Variants in VARS1 observed in about 807,000 individuals in gnomAD.
The protein encoded by VARS1 is valine--tRNA ligase.
In VARS1, 92 loss-of-function variants were observed where a neutral mutation model predicts 161.0. That is an observed-to-expected ratio of 0.57 (90% confidence interval 0.48 to 0.68). VARS1 has a LOEUF of 0.68. VARS1 is among the 30% of genes least tolerant of loss of function. The pLI is 0.00. For missense variants in VARS1, 1,338 were observed against 1,695.9 expected (o/e 0.79, Z 3.71); for synonymous variants, 595 against 682.5 (o/e 0.87, Z 2.00).
intron 8 of VARS1, among the ~76,000 whole-genome samples, chr6:31,788,821 A>ATAC (rs1028024616): frequency 6.6e-6 from 1 of 151,818 alleles, no homozygotes; most frequent in Non-Finnish European, 1.5e-5. Context: ...AATAATAATA[A>ATAC]TAATAATAAA....
At position 31,785,973 on chromosome 6, in the gene VARS1, A is replaced by T. The variant is rs1813475725; in HGVS notation, c.1101-240T>A. ...AAAACCCCGTCTCTACTAAAAATAC[A>T]AAATTAGCTGGGCATGGTGGCATGC... On this transcript the variant is annotated intron_variant, in intron 8 of 29. Transcript: ENST00000375663. The surrounding 1 kb of genome is among the most constrained non-coding windows in gnomAD (Gnocchi z 6.1). 6.6e-6 allele frequency among the ~76,000 whole-genome samples: 1 copy of T among 152,124 alleles called. No individual in the cohort carries two copies. The highest frequency in any genetic ancestry group is 2.4e-5 in the African/African-American group (1 of 41,436).
Position 31,779,114 on chromosome 6 carries a change from C to A in VARS1, c.3579G>T (p.Gly1193=), listed in dbSNP as rs1437171498. The A allele has an allele frequency of 1.9e-6, 3 of 1,608,530 alleles. No individual in the cohort carries two copies. Among genetic ancestry groups the A allele is most frequent in the Non-Finnish European group, 1.7e-6 (2 of 1,177,606 alleles). ...DRCSIHLQLQ[G]LVDPARELGK... ...CCAGCTCCCGTGCAGGGTCCACCAG[C>A]CCCTGAAGCTGCAGGTGGATGGAGC... The change falls in exon 29 of 30, where the codon GGG becomes GGT. Residue 1193 remains glycine (G), a synonymous_variant. Coordinates refer to ENST00000375663, the MANE Select transcript of VARS1 (RefSeq NM_006295.3). The surrounding 1 kb of genome is among the most constrained non-coding windows in gnomAD (Gnocchi z 9.1).
In VARS1 at chr6:31,778,992, T is replaced by A; in HGVS notation, c.3701A>T (p.Glu1234Val). 6 of 1,613,030 alleles carry A rather than the reference T, an allele frequency of 3.7e-6. No homozygotes were observed. The highest frequency in any genetic ancestry group is 5.1e-6 in the Non-Finnish European group (6 of 1,180,028). ...CTTGGCTTCATCTGCCTCCTGGACT[T>A]CGAGCGGCACCTTGACAGGATAGCC... ...ASGYPVKVPL[E>V]VQEADEAKLQ... Residue 1234 changes from glutamate to valine, a missense_variant, in exon 29 of 30, where the codon GAA (glutamate) becomes GTA (valine). Physicochemically the swap from Glu to Val is moderately radical, Grantham distance 121 (BLOSUM62 -2). This residue lies in a region of VARS1 where 433 missense variants were observed against 586.2 expected (regional missense o/e 0.74). Transcript: ENST00000375663. This position sits in a 1 kb window ranked among gnomAD's most constrained non-coding sequence, Gnocchi z 5.1.
chr6:31,791,744 G>A lies in VARS1; in HGVS notation c.973-7C>T. On this transcript the variant is annotated splice_polypyrimidine_tract_variant and splice_region_variant and intron_variant, in intron 7 of 29. Coordinates refer to ENST00000375663, the MANE Select transcript of VARS1 (RefSeq NM_006295.3). The surrounding 1 kb of genome is among the most constrained non-coding windows in gnomAD (Gnocchi z 5.0). ...CTGCTGACACATTAGGACGCTGATGGTGGAGAAGGATGGCACATGTTTAAG... is the reference window on the plus strand; with the variant it reads ...CTGCTGACACATTAGGACGCTGATGATGGAGAAGGATGGCACATGTTTAAG... The A allele has an allele frequency of 6.2e-7, 1 of 1,613,058 alleles. No individual in the cohort carries two copies. Among genetic ancestry groups the A allele is most frequent in the Non-Finnish European group, 8.5e-7 (1 of 1,180,000 alleles).
rs754969412 is a variant in VARS1, at chr6:31,783,111, T to C, written c.1747A>G (p.Met583Val). The C allele has an allele frequency of 4.3e-6, 7 of 1,612,628 alleles. No individual in the cohort carries two copies. The highest frequency in any genetic ancestry group is 1.7e-5 in the Admixed American group (1 of 59,966). The change falls in exon 14 of 30, where the codon ATG becomes GTG. Residue 583 changes from methionine (M) to valine (V), a missense_variant. Physicochemically the swap from Met to Val is conservative, Grantham distance 21 (BLOSUM62 1). Coordinates refer to ENST00000375663, the MANE Select transcript of VARS1 (RefSeq NM_006295.3). ...CCTTGCCCACCTGTGCCAAAGTCCA[T>C]GTCCACAAATTCATCGAAGACAATG... ...LPIVFDEFVDMDFGTGAVKIT... is the reference protein window; with the variant it reads ...LPIVFDEFVDVDFGTGAVKIT...
chr6:31,794,114 A>T lies in VARS1; in HGVS notation c.387+717T>A, dbSNP rs1814096338. On this transcript the variant is annotated intron_variant, in intron 2 of 29. Coordinates refer to ENST00000375663, the MANE Select transcript of VARS1 (RefSeq NM_006295.3). ...GTCTCAAAAAAAAAAAAAAAAAAGA[A>T]AAGAAAAGAAATAAAAGAGGGGAAC... Among the ~76,000 whole-genome samples, 9 of 151,524 alleles carry T rather than the reference A, an allele frequency of 5.9e-5. No homozygotes were observed. In the South Asian group the frequency reaches 1.9e-3, roughly 32 times the overall value.
At chr6:31,792,724 G>A (rs752186498) in intron 4 of VARS1, 33 bp downstream of exon 4, 20 of 1,611,616 alleles carry the variant, frequency 1.2e-5, no homozygotes, top group Non-Finnish European at 1.6e-5. Flanking sequence ...CCCCAGGGAA[G>A]CCCCTATCCT....
At position 31,782,519 on chromosome 6, in the gene VARS1, C is replaced by G; in HGVS notation, c.1991+11G>C. On this transcript the variant is annotated intron_variant, in intron 16 of 29. Coordinates refer to ENST00000375663, the MANE Select transcript of VARS1 (RefSeq NM_006295.3). The surrounding 1 kb of genome is among the most constrained non-coding windows in gnomAD (Gnocchi z 8.3). ...CTCCATCTTCCTCCCGTCCCAGGCC[C>G]CCACCCTCACTTGCAAAGTGGCACC... 6.2e-7 allele frequency: 1 copy of G among 1,613,024 alleles called. No homozygotes were observed.
chr6:31,780,681 G>T lies in VARS1; in HGVS notation c.2797+24C>A. ...TCACAGAAGGAGGAAGGAGTGGCTG[G>T]GAGGGACGCTTTGGGGGCCATACCC... On this transcript the variant is annotated intron_variant, in intron 24 of 29. Coordinates refer to ENST00000375663, the MANE Select transcript of VARS1 (RefSeq NM_006295.3). This position sits in a 1 kb window ranked among gnomAD's most constrained non-coding sequence, Gnocchi z 5.1. 6.2e-7 allele frequency: 1 copy of T among 1,614,122 alleles called. No individual in the cohort carries two copies. Among genetic ancestry groups the T allele is most frequent in the South Asian group, 1.1e-5 (1 of 91,088 alleles).
chr6:31,792,157 A>AGATAGGGTGAAAACTTAGAAGGGGCTGCT, intron 6 of VARS1, 60 bp downstream of exon 6: 1 of 1,592,812 alleles, frequency 6.3e-7, no homozygotes, highest in Non-Finnish European at 8.6e-7. Context: ...GAATAGAGCA[A>AGATAGGGTGAAAACTTAGAAGGGGCTGCT]GATAGGGTGA....
chr6:31,782,958 C>A lies in VARS1; in HGVS notation c.1763-113G>T. On this transcript the variant is annotated intron_variant, in intron 14 of 29. Transcript: ENST00000375663. This position sits in a 1 kb window ranked among gnomAD's most constrained non-coding sequence, Gnocchi z 8.3. ...GAGACCACTCCTGGCCCCCACTTGTCTAATACAGTCCCTTGAGAACCACCC... is the reference window on the plus strand; with the variant it reads ...GAGACCACTCCTGGCCCCCACTTGTATAATACAGTCCCTTGAGAACCACCC... 6.6e-7 allele frequency: 1 copy of A among 1,526,358 alleles called. No individual in the cohort carries two copies. The highest frequency in any genetic ancestry group is 8.8e-7 in the Non-Finnish European group (1 of 1,134,286). 94.6% of individuals were successfully genotyped at this position (1,526,358 alleles called of 1,614,324 possible).
rs1186343981 is a variant in VARS1 at position 31,785,908 on chromosome 6, C to T, written c.1101-175G>A. On this transcript the variant is annotated intron_variant, in intron 8 of 29. Transcript: ENST00000375663. The surrounding 1 kb of genome is among the most constrained non-coding windows in gnomAD (Gnocchi z 6.1). ...TGGGAGGCTGAGGTGGGTGGATCAC[C>T]TCAGGTGGGGGAGTTCGAGATGAGC... is the stretch of plus-strand genomic sequence containing the variant. 6.6e-6 allele frequency among the ~76,000 whole-genome samples: 1 copy of T among 152,086 alleles called. No individual in the cohort carries two copies. The highest frequency in any genetic ancestry group is 1.5e-5 in the Non-Finnish European group (1 of 68,004).
At position 31,784,525 on chromosome 6, in the gene VARS1, C is replaced by T. The variant is rs894263291; in HGVS notation, c.1468-23G>A. The T allele has an allele frequency of 2.5e-6, 4 of 1,613,826 alleles. No individual in the cohort carries two copies. The highest frequency in any genetic ancestry group is 3.4e-6 in the Non-Finnish European group (4 of 1,180,034). On this transcript the variant is annotated intron_variant, in intron 11 of 29. Transcript: ENST00000375663. The surrounding 1 kb of genome is among the most constrained non-coding windows in gnomAD (Gnocchi z 6.1). ...CACCTGTAAAATGGGTATTTAGAGG[C>T]GTGGCCCAGGGGCCAGGGCCAGGGC...
In VARS1 at chr6:31,777,678, G is replaced by C; in HGVS notation, c.3727-16C>G. The C allele has an allele frequency of 1.9e-6, 3 of 1,611,658 alleles. No homozygotes were observed. The highest frequency in any genetic ancestry group is 2.5e-6 in the Non-Finnish European group (3 of 1,178,962). ...TCTGTTGGAGCTGGAGTGGAACCAG[G>C]GGGTGGGTGAGGACCCAGGTCCAAG... On this transcript the variant is annotated splice_polypyrimidine_tract_variant and intron_variant, in intron 29 of 29. Coordinates refer to ENST00000375663, the MANE Select transcript of VARS1 (RefSeq NM_006295.3). The surrounding 1 kb of genome is among the most constrained non-coding windows in gnomAD (Gnocchi z 5.8).
rs763775593 is a variant in VARS1, at chr6:31,782,592, C to T, written c.1929G>A (p.Ala643=). The change falls in exon 16 of 30, where the codon GCG becomes GCA. Residue 643 remains alanine (A), a synonymous_variant. Coordinates refer to ENST00000375663, the MANE Select transcript of VARS1 (RefSeq NM_006295.3). The surrounding 1 kb of genome is among the most constrained non-coding windows in gnomAD (Gnocchi z 8.3). ...RFEARKAVLV[A]LKERGLFRGI... ...CACGGAACAGTCCCCGCTCCTTCAG[C>T]GCCACCAGCACCGCTTTCCTGGCCT... 4 of 1,613,064 alleles carry T rather than the reference C, an allele frequency of 2.5e-6. No homozygotes were observed. The highest frequency in any genetic ancestry group is 2.5e-6 in the Non-Finnish European group (3 of 1,180,040).
chr6:31,778,810 T>G lies in VARS1; in HGVS notation c.3726+157A>C. 2 of 1,034,082 alleles carry G rather than the reference T, an allele frequency of 1.9e-6. No individual in the cohort carries two copies. The highest frequency in any genetic ancestry group is 1.6e-5 in the African/African-American group (1 of 61,980). 64.1% of individuals were successfully genotyped at this position (1,034,082 alleles called of 1,614,324 possible). On this transcript the variant is annotated intron_variant, in intron 29 of 29. Transcript: ENST00000375663. This position sits in a 1 kb window ranked among gnomAD's most constrained non-coding sequence, Gnocchi z 5.1. ...GTGTGAGCCACTGAGCCAGGCTGTT[T>G]TGTTTTTTAAGGCTAGTGGGAGTGG...
In VARS1 at chr6:31,782,626, G is replaced by A; in HGVS notation, c.1895C>T (p.Pro632Leu). ...CACCGCTTTCCTGGCCTCAAACCTG[G>A]GCAGGCCCTGGGTAGGAATGAGGCC... is the stretch of plus-strand genomic sequence containing the variant. ...INVPPPFLGLPRFEARKAVLV... is the reference protein window; with the variant it reads ...INVPPPFLGLLRFEARKAVLV... The change falls in exon 16 of 30, where the codon CCC becomes CTC. Residue 632 changes from proline (P) to leucine (L), a missense_variant. By Grantham distance (98) the Pro-to-Leu change is moderately conservative. This residue lies in a region of VARS1 where 902 missense variants were observed against 1,090.3 expected (regional missense o/e 0.83). Transcript: ENST00000375663. This position sits in a 1 kb window ranked among gnomAD's most constrained non-coding sequence, Gnocchi z 8.3. 1.2e-6 allele frequency: 2 copies of A among 1,613,070 alleles called. No homozygotes were observed. The highest frequency in any genetic ancestry group is 1.7e-6 in the Non-Finnish European group (2 of 1,180,034).
Position 31,780,449 on chromosome 6 carries a change from T to G in VARS1, c.2917A>C (p.Thr973Pro). Residue 973 changes from threonine (T) to proline (P), a missense_variant, in exon 25 of 30, where the codon ACC becomes CCC. This residue lies in a region of VARS1 where 433 missense variants were observed against 586.2 expected (regional missense o/e 0.74). Transcript: ENST00000375663. This position sits in a 1 kb window ranked among gnomAD's most constrained non-coding sequence, Gnocchi z 5.1. ...GCCCACCAGGCCCTTACCTGGGAGG[T>G]GGGTGAGGGCACAAAACCCTTCCCA... ...GLGKGFVPSP[T>P]SQPGGHESLV... The G allele has an allele frequency of 6.2e-7, 1 of 1,612,754 alleles. No individual in the cohort carries two copies. Among genetic ancestry groups the G allele is most frequent in the Non-Finnish European group, 8.5e-7 (1 of 1,179,414 alleles).
At position 31,779,340 on chromosome 6, in the gene VARS1, A is replaced by T. The variant is rs150093697; in HGVS notation, c.3401-48T>A. On this transcript the variant is annotated intron_variant, in intron 28 of 29. Coordinates refer to ENST00000375663, the MANE Select transcript of VARS1 (RefSeq NM_006295.3). The surrounding 1 kb of genome is among the most constrained non-coding windows in gnomAD (Gnocchi z 9.1). The stretch of plus-strand genomic sequence containing the variant: ...AGGCCTAGCTCCATGGAGACAGGAA[A>T]CCAAGCAGTCACTGCCGGACACTGG... 7.8e-4 allele frequency: 1,252 copies of T among 1,601,408 alleles called. 15 individuals are homozygous for T. The highest frequency in any genetic ancestry group is 7.1e-3 in the South Asian group (643 of 90,926).
Sources: allele counts gnomAD v4.1 joint callset (sites outside exome capture counted in the v4.1 genomes callset), GRCh38; gene constraint gnomAD v4.1.1; regional missense constraint gnomAD v4.1.1; non-coding constraint Gnocchi (gnomAD v3.1); transcripts MANE v1.5; gene names NCBI Gene and HGNC (gene_info 2026-07-23, HGNC 2026-07-21).